SLC30A5: variants seen among roughly 807,000 people sequenced by gnomAD.
SLC30A5 encodes the protein proton-coupled zinc antiporter SLC30A5.
Under a neutral mutation model 79.6 loss-of-function variants are expected in SLC30A5, and 33 were observed. The observed-to-expected ratio is 0.41, with a 90% CI of 0.31 to 0.55. The LOEUF is 0.55. SLC30A5 is among the 20% of genes least tolerant of loss of function. SLC30A5 has a pLI of 0.20. For synonymous variants in SLC30A5, 299 were observed against 319.7 expected (o/e 0.94, Z 0.69); for missense variants, 788 against 928.1 (o/e 0.85, Z 1.96).
chr5:69,104,047 A>G (rs1463955315), intron 3 of SLC30A5: 1 of 1,562,512 alleles, frequency 6.4e-7, no homozygotes, highest in East Asian at 2.3e-5. Flanking sequence ...GGAAACTGAG[A>G]AATCATAAAA....
chr5:69,112,095 C>T (rs1279050749), intron 5 of SLC30A5, among the ~76,000 whole-genome samples: 1 of 151,960 alleles, frequency 6.6e-6, no homozygotes, highest in Non-Finnish European at 1.5e-5. Context: ...GTCAAGAGAT[C>T]AAGACCACCC....
intron 13 of SLC30A5, among the ~76,000 whole-genome samples, chr5:69,122,896 G>C (rs1448695298): frequency 6.6e-6 from 1 of 152,084 alleles, no homozygotes; most frequent in Non-Finnish European, 1.5e-5. Context: ...TATTCTGATT[G>C]CTTAATATAA....
intron 4 of SLC30A5, among the ~76,000 whole-genome samples, chr5:69,106,744 C>T (rs922392450): frequency 6.6e-6 from 1 of 152,186 alleles, no homozygotes; most frequent in Non-Finnish European, 1.5e-5. Context: ...AGAAGCTTAA[C>T]CTTAGCATAC....
At position 69,117,373 on chromosome 5, in the gene SLC30A5, A is replaced by G. The variant is rs141516983; in HGVS notation, c.1416A>G (p.Lys472=). ...GLFAALMSRW[K]ATRIFSYGYG... is the part of the protein sequence containing the mutation. ...TTGCTGCCCTGATGAGTAGGTGGAA[A>G]GCCACTCGGATTTTCTCCTATGGGT... The change falls in exon 11 of 16, where the codon AAA becomes AAG. Residue 472 remains lysine (K), a synonymous_variant. Transcript: ENST00000396591. The G allele has an allele frequency of 2.9e-5, 46 of 1,613,944 alleles. No individual in the cohort carries two copies. The African/African-American group carries it at 4.4e-4, about 15-fold the overall frequency.
At chr5:69,100,778 T>TA in intron 1 of SLC30A5, 29 bp from the exon 2 acceptor site, 1 of 1,567,402 alleles carries the variant, frequency 6.4e-7, no homozygotes, top group African/African-American at 1.4e-5. Context: ...TCAGTGATAC[T>TA]AAAAATTGTT....
Position 69,113,195 on chromosome 5 carries a change from A to G in SLC30A5, c.503A>G (p.Asn168Ser), listed in dbSNP as rs1412346319. ...GTGATCTGTTTATTGCTTTTTGACAATGATGATCTCATGGCTAAAATGGCT... is the reference window on the plus strand; with the variant it reads ...GTGATCTGTTTATTGCTTTTTGACAGTGATGATCTCATGGCTAAAATGGCT... ...IAVICLLLFD[N>S]DDLMAKMAEH... is the part of the protein sequence containing the mutation. Residue 168 changes from asparagine to serine, a missense_variant, in exon 6 of 16, where the codon AAT becomes AGT. Around this residue, in one of 3 missense-constraint regions of SLC30A5, gnomAD observed 626 missense variants for 755.5 expected, o/e 0.83. Transcript: ENST00000396591. 1.4e-5 allele frequency: 23 copies of G among 1,613,464 alleles called. No homozygotes were observed. In the Admixed American group the frequency reaches 1.7e-4, roughly 12 times the overall value.
chr5:69,123,238 T>C lies in SLC30A5; in HGVS notation c.1811T>C (p.Ile604Thr). The change falls in exon 14 of 16, where the codon ATT (isoleucine) becomes ACT (threonine). Residue 604 changes from isoleucine (I) to threonine (T), a missense_variant. Physicochemically the swap from Ile to Thr is moderately conservative, Grantham distance 89. Coordinates refer to ENST00000396591, the MANE Select transcript of SLC30A5 (RefSeq NM_022902.5). ...LHVLADTLGSIGVIVSTVLIE... is the reference protein window; with the variant it reads ...LHVLADTLGSTGVIVSTVLIE... ...GTTTTGGCAGATACACTTGGCAGCA[T>C]TGGTGTGATCGTATCCACAGTTCTT... 6.2e-7 allele frequency: 1 copy of C among 1,613,210 alleles called. No homozygotes were observed. Among genetic ancestry groups the C allele is most frequent in the Non-Finnish European group, 8.5e-7 (1 of 1,179,508 alleles).
Position 69,113,256 on chromosome 5 carries a change from T to C in SLC30A5, c.535+29T>C, listed in dbSNP as rs754874986. 6 of 1,573,414 alleles carry C rather than the reference T, an allele frequency of 3.8e-6. No individual in the cohort carries two copies. In the South Asian group the frequency reaches 6.9e-5, roughly 18 times the overall value. ...TCCTTTTGGAATAGATCAGAGTTGT[T>C]TCAAGTCTTGAGGAAAACTAGAAGC... On this transcript the variant is annotated intron_variant, in intron 6 of 15. Coordinates refer to ENST00000396591, the MANE Select transcript of SLC30A5 (RefSeq NM_022902.5).
Position 69,121,772 on chromosome 5 carries a change from G to T in SLC30A5, c.1648G>T (p.Ala550Ser), listed in dbSNP as rs755379425. The change falls in exon 13 of 16, where the codon GCT (alanine) becomes TCT (serine). Residue 550 changes from alanine (A) to serine (S), a missense_variant. Around this residue, in one of 3 missense-constraint regions of SLC30A5, gnomAD observed 626 missense variants for 755.5 expected, o/e 0.83. Coordinates refer to ENST00000396591, the MANE Select transcript of SLC30A5 (RefSeq NM_022902.5). ...FSHAHSHAHG[A>S]SQGSCHSSDH... ...CCATGCCCATAGCCATGCCCATGGA[G>T]CTTCTCAAGGAAGCTGTCACTCATC... is the stretch of plus-strand genomic sequence containing the variant. 2.5e-6 allele frequency: 4 copies of T among 1,611,998 alleles called. No individual in the cohort carries two copies. The East Asian group carries it at 8.9e-5, about 36-fold the overall frequency.
At chr5:69,097,927 C>T (rs995868804) in intron 1 of SLC30A5, among the ~76,000 whole-genome samples, 5 of 152,130 alleles carry the variant, frequency 3.3e-5, no homozygotes, top group East Asian at 1.9e-4. Context: ...GATAAGCAGA[C>T]ATTCCTAGTT....
At chr5:69,119,517 CTTAAG>C (rs1445967395) in intron 12 of SLC30A5, among the ~76,000 whole-genome samples, 4 of 152,120 alleles carry the variant, frequency 2.6e-5, no homozygotes, top group Non-Finnish European at 5.9e-5. Context: ...ATTATTAACT[CTTAAG>C]TTCAGTTCTA....
In SLC30A5 at chr5:69,115,908, C is replaced by CT. The variant is rs1746357301; in HGVS notation, c.784-10dup. The CT allele has an allele frequency of 5.7e-6, 9 of 1,578,912 alleles. No individual in the cohort carries two copies. Among genetic ancestry groups the CT allele is most frequent in the East Asian group, 2.2e-5 (1 of 44,688 alleles). The stretch of plus-strand genomic sequence containing the variant: ...TTATACATGTATAGTCTTGACAATT[C>CT]TTTTTTTTAATTTCTAGAGTAAAGT... On this transcript the variant is annotated splice_polypyrimidine_tract_variant and intron_variant, in intron 8 of 15. Transcript: ENST00000396591.
At position 69,113,144 on chromosome 5, in the gene SLC30A5, G is replaced by A. The variant is rs1746276852; in HGVS notation, c.452G>A (p.Arg151Lys). The A allele has an allele frequency of 6.2e-7, 1 of 1,611,556 alleles. No homozygotes were observed. Among genetic ancestry groups the A allele is most frequent in the Non-Finnish European group, 8.5e-7 (1 of 1,179,278 alleles). ...TGTTGTTTTCTTTATTTTCAGACAA[G>A]GGGAGCTGCTTTTTTCATTATTGCT... ...TSSGGGPAKT[R>K]GAAFFIIAVI... The change falls in exon 6 of 16, where the codon AGG becomes AAG. Residue 151 changes from arginine (R) to lysine (K), a missense_variant. By Grantham distance (26) the Arg-to-Lys change is conservative. Around this residue, in one of 3 missense-constraint regions of SLC30A5, gnomAD observed 626 missense variants for 755.5 expected, o/e 0.83. Transcript: ENST00000396591.
intron 7 of SLC30A5, 71 bp from the exon 8 acceptor site, chr5:69,115,165 AG>A: frequency 6.6e-5 from 50 of 754,538 alleles, no homozygotes; most frequent in Admixed American, 1.4e-4. Context: ...AAAAAAAAAA[AG>A]ATCATGTATT....
At chr5:69,126,361 G>C (rs1314588390) in intron 14 of SLC30A5, among the ~76,000 whole-genome samples, 1 of 152,050 alleles carries the variant, frequency 6.6e-6, no homozygotes, top group South Asian at 2.1e-4. Context: ...AATGTTGCCC[G>C]GGCTGGTCTT....
At position 69,118,502 on chromosome 5, in the gene SLC30A5, C is replaced by T. The variant is rs575412082; in HGVS notation, c.1443C>T (p.Tyr481=). 27 of 1,592,736 alleles carry T rather than the reference C, an allele frequency of 1.7e-5. No individual in the cohort carries two copies. Among genetic ancestry groups the T allele is most frequent in the Admixed American group, 1.6e-4 (9 of 56,726 alleles). Residue 481 remains tyrosine (Y), a synonymous_variant, in exon 12 of 16, where the codon TAC becomes TAT. Transcript: ENST00000396591. ...WKATRIFSYG[Y]GRIEILSGFI... ...GAAAAATGTTCTATGTTTTTAGGTA[C>T]GGCCGAATAGAAATTCTGTCTGGAT...
chr5:69,118,461 G>T, intron 11 of SLC30A5, 38 bp from the exon 12 acceptor site: 1 of 1,560,146 alleles, frequency 6.4e-7, no homozygotes, highest in South Asian at 1.2e-5. Flanking sequence ...AAAAATATTT[G>T]TCCTTTTCCT....
intron 12 of SLC30A5, among the ~76,000 whole-genome samples, chr5:69,120,343 C>T (rs2111988225): frequency 6.6e-6 from 1 of 150,680 alleles, no homozygotes; most frequent in East Asian, 2.0e-4. Flanking sequence ...GAGATCATGC[C>T]ACTGCACTCC....
chr5:69,128,644 A>C (rs150894531), intron 15 of SLC30A5, among the ~76,000 whole-genome samples: 3 of 152,294 alleles, frequency 2.0e-5, no homozygotes, highest in Non-Finnish European at 2.9e-5. Context: ...AAAATAAATG[A>C]AGTTTTGTGT....
Sources: gnomAD v4.1 joint callset for allele counts (sites outside exome capture counted in the v4.1 genomes callset) on GRCh38, gnomAD v4.1.1 for gene constraint, gnomAD v4.1.1 regional missense constraint, MANE v1.5 for transcripts, NCBI Gene and HGNC (gene_info 2026-07-23, HGNC 2026-07-21) for gene names.